DPP10: variants seen among roughly 807,000 people sequenced by gnomAD.
The protein encoded by DPP10 is dipeptidyl peptidase like 10.
Under a neutral mutation model 120.9 loss-of-function variants are expected in DPP10, and 33 were observed. The observed-to-expected ratio is 0.27, with a 90% CI of 0.21 to 0.37. The LOEUF is 0.37. Ranked by LOEUF, DPP10 falls within the 10% of genes least tolerant of loss-of-function variation. The probability of loss-of-function intolerance (pLI) is 1.00; values close to 1 mark genes in which losing one functional copy is unlikely to be tolerated. For synonymous variants in DPP10, 337 were observed against 326.1 expected (o/e 1.03, Z -0.36); for missense variants, 816 against 942.8 (o/e 0.87, Z 1.76).
intron 3 of DPP10, among the ~76,000 whole-genome samples, chr2:115,425,550 A>G (rs1443312356): frequency 6.6e-6 from 1 of 152,224 alleles, no homozygotes; most frequent in African/African-American, 2.4e-5. Flanking sequence ...CAATGAGCAT[A>G]AATTGAAACT....
chr2:115,272,803 G>T (rs763507819), intron 1 of DPP10, among the ~76,000 whole-genome samples: 1 of 152,194 alleles, frequency 6.6e-6, no homozygotes, highest in Non-Finnish European at 1.5e-5. Flanking sequence ...TGCGGGCTGC[G>T]CTGAGCAGAA....
chr2:114,818,812 T>C (rs550255012), intron 1 of DPP10, among the ~76,000 whole-genome samples: 1 of 152,310 alleles, frequency 6.6e-6, no homozygotes, highest in South Asian at 2.1e-4. Context: ...GAACCTTTTC[T>C]ACCACACGCA....
At chr2:115,679,053 G>A (rs950150645) in intron 5 of DPP10, among the ~76,000 whole-genome samples, 1 of 152,142 alleles carries the variant, frequency 6.6e-6, no homozygotes, top group African/African-American at 2.4e-5. Context: ...TGATTTTACA[G>A]GCTTATAGGC....
At chr2:115,286,694 G>A (rs1019985778) in intron 1 of DPP10, among the ~76,000 whole-genome samples, 2 of 149,600 alleles carry the variant, frequency 1.3e-5, no homozygotes, top group African/African-American at 2.5e-5. Flanking sequence ...TGATAGACAA[G>A]GAAGAAAATT....
chr2:115,801,075 T>C (rs904660301), intron 19 of DPP10, among the ~76,000 whole-genome samples: 1 of 152,148 alleles, frequency 6.6e-6, no homozygotes, highest in African/African-American at 2.4e-5. Flanking sequence ...GAGCATGGAA[T>C]GTTCTTCCAT....
At chr2:115,816,742 G>A (rs1441065163) in intron 21 of DPP10, among the ~76,000 whole-genome samples, 1 of 149,852 alleles carries the variant, frequency 6.7e-6, no homozygotes, top group Non-Finnish European at 1.5e-5. Flanking sequence ...TCAGCCTCCT[G>A]AGTAGCTGGG....
rs1219865460 is a variant in DPP10 at position 115,508,036 on chromosome 2, A to G, written c.366+8432A>G. ...TAAATGTCATTAAATGGGTAATTCT[A>G]TTTTGAATATTTTGCCACAATTTTT... On this transcript the variant is annotated intron_variant, in intron 4 of 25. Coordinates refer to ENST00000410059, the MANE Select transcript of DPP10 (RefSeq NM_020868.6). 3.3e-5 allele frequency among the ~76,000 whole-genome samples: 5 copies of G among 152,184 alleles called. No homozygotes were observed. In the East Asian group the frequency reaches 7.8e-4, roughly 24 times the overall value.
chr2:115,590,091 A>G (rs2082538820), intron 5 of DPP10, among the ~76,000 whole-genome samples: 2 of 149,986 alleles, frequency 1.3e-5, no homozygotes, highest in South Asian at 4.2e-4. Flanking sequence ...GCAGTCTGAG[A>G]TTAAAGTGAA....
At chr2:115,278,280 A>G (rs868383590) in intron 1 of DPP10, among the ~76,000 whole-genome samples, 14 of 152,040 alleles carry the variant, frequency 9.2e-5, no homozygotes, top group South Asian at 2.1e-4. Flanking sequence ...CTTACAGTCT[A>G]CTCACTACCT....
chr2:115,499,950 C>T (rs983266127), intron 4 of DPP10, among the ~76,000 whole-genome samples: 2 of 151,866 alleles, frequency 1.3e-5, no homozygotes, highest in African/African-American at 2.4e-5. Flanking sequence ...TATTAACTTT[C>T]TTTTCTTCTT....
intron 1 of DPP10, among the ~76,000 whole-genome samples, chr2:115,129,046 C>T (rs1559127166): frequency 6.6e-6 from 1 of 152,204 alleles, no homozygotes; most frequent in Admixed American, 6.5e-5. Flanking sequence ...TAACCTCTGA[C>T]AGTCTGGCAA....
At chr2:114,739,144 T>C (rs1677770144) in intron 1 of DPP10, among the ~76,000 whole-genome samples, 1 of 152,200 alleles carries the variant, frequency 6.6e-6, no homozygotes, top group African/African-American at 2.4e-5. Context: ...TTCTACAAAA[T>C]GTTTTGTACA....
At chr2:115,412,632 CAGTT>C (rs1402901419) in intron 3 of DPP10, among the ~76,000 whole-genome samples, 2 of 152,138 alleles carry the variant, frequency 1.3e-5, no homozygotes, top group East Asian at 1.9e-4. Flanking sequence ...ATGAGTGACT[CAGTT>C]AGGAATTCAC....
chr2:115,493,308 G>A (rs146017301), intron 3 of DPP10, among the ~76,000 whole-genome samples: 18 of 152,098 alleles, frequency 1.2e-4, no homozygotes, highest in African/African-American at 4.1e-4. Flanking sequence ...AGGATGGTAT[G>A]TATGTAAATG....
At chr2:114,922,100 A>G (rs1413968587) in intron 1 of DPP10, among the ~76,000 whole-genome samples, 1 of 152,238 alleles carries the variant, frequency 6.6e-6, no homozygotes, top group African/African-American at 2.4e-5. Context: ...TAATTTACAT[A>G]CCATAAAGTT....
Position 114,525,653 on chromosome 2 carries a change from A to C in DPP10, c.60+82815A>C, listed in dbSNP as rs192458649. On this transcript the variant is annotated intron_variant, in intron 1 of 25. Transcript: ENST00000410059. ...ATTTGATTCCAGTTTTGATTTTATC[A>C]CTTACTGTGATTTTCGCACAAGTCA... Among the ~76,000 whole-genome samples the C allele has an allele frequency of 9.2e-5, 14 of 152,312 alleles. No homozygotes were observed. In the East Asian group the frequency reaches 2.7e-3, roughly 29 times the overall value.
intron 1 of DPP10, among the ~76,000 whole-genome samples, chr2:114,713,170 T>C (rs1701134876): frequency 6.6e-6 from 1 of 152,046 alleles, no homozygotes; most frequent in African/African-American, 2.4e-5. Context: ...GTATTTTTAG[T>C]AGAGATGGGG....
At chr2:115,444,171 C>T (rs1316392900) in intron 3 of DPP10, among the ~76,000 whole-genome samples, 5 of 152,150 alleles carry the variant, frequency 3.3e-5, no homozygotes, top group Non-Finnish European at 7.3e-5. Context: ...AGCCCAAGAC[C>T]AGAGATGGTC....
intron 5 of DPP10, among the ~76,000 whole-genome samples, chr2:115,646,023 A>G (rs1331768131): frequency 6.6e-6 from 1 of 152,136 alleles, no homozygotes; most frequent in Admixed American, 6.6e-5. Flanking sequence ...CATAATCCTG[A>G]CTGATACACA....
Sources: allele counts gnomAD v4.1 joint callset (sites outside exome capture counted in the v4.1 genomes callset), GRCh38; gene constraint gnomAD v4.1.1; transcripts MANE v1.5; gene names NCBI Gene and HGNC (gene_info 2026-07-23, HGNC 2026-07-21).